The following USP4 variants were observed in gnomAD, a reference collection of about 807,000 sequenced individuals.
The protein encoded by USP4 is ubiquitin specific peptidase 4, also known as ubiquitin carboxyl-terminal hydrolase 4.
Under a neutral mutation model 118.2 loss-of-function variants are expected in USP4, and 72 were observed. The ratio of observed to expected loss-of-function variants is 0.61; its 90% CI spans 0.50 to 0.74. The LOEUF is 0.74. USP4 is among the 30% of genes least tolerant of loss of function. The pLI, the probability that USP4 is intolerant of heterozygous loss-of-function variation, is 0.00. For missense variants in USP4, 1,037 were observed against 1,185.7 expected (o/e 0.87, Z 1.84); for synonymous variants, 415 against 440.4 (o/e 0.94, Z 0.72).
At chr3:49,307,774 G>A (rs2047334375) in intron 8 of USP4, among the ~76,000 whole-genome samples, 1 of 151,194 alleles carries the variant, frequency 6.6e-6, no homozygotes, top group African/African-American at 2.5e-5. Context: ...GTGAGACCCC[G>A]TTTCCACAAA....
At chr3:49,324,599 TC>T (rs1468446838) in intron 6 of USP4, 102 bp downstream of exon 6, 1 of 1,089,412 alleles carries the variant, frequency 9.2e-7, no homozygotes, top group Non-Finnish European at 1.4e-6. Context: ...TAGGCATTGT[TC>T]ATCTGAATCA....
chr3:49,329,019 A>G (rs1287887379), intron 2 of USP4, among the ~76,000 whole-genome samples: 1 of 151,934 alleles, frequency 6.6e-6, no homozygotes, highest in African/African-American at 2.4e-5. Context: ...CTCTACTACA[A>G]ACACAAAAAT....
chr3:49,306,710 C>T (rs1455100469), intron 8 of USP4, among the ~76,000 whole-genome samples: 1 of 152,102 alleles, frequency 6.6e-6, no homozygotes, highest in Admixed American at 6.6e-5. Context: ...GAAAAACTTG[C>T]CCATGAGAAG....
Position 49,302,539 on chromosome 3 carries a change from G to A in USP4, c.1132C>T (p.Gln378Ter). The A allele has an allele frequency of 6.2e-7, 1 of 1,613,296 alleles. No homozygotes were observed. Among genetic ancestry groups the A allele is most frequent in the African/African-American group, 1.3e-5 (1 of 74,958 alleles). ...AHVAPRMFKT[Q>*]VGRFAPQFSG... ...AATTGAGGAGCAAAACGTCCTACTT[G>A]AGTCTACAACAAAAGCAACTGTATC... The change falls in exon 10 of 22, where the codon CAA becomes TAA. Residue 378 changes from glutamine (Q) to a stop codon, truncating the protein, a stop_gained. Transcript: ENST00000265560. LOFTEE classifies it high-confidence loss of function.
chr3:49,309,483 C>T (rs2047357371), intron 8 of USP4, among the ~76,000 whole-genome samples: 1 of 152,110 alleles, frequency 6.6e-6, no homozygotes, highest in African/African-American at 2.4e-5. Flanking sequence ...GCTTCAAACT[C>T]CTGGCCTCAA....
chr3:49,324,805 C>G, intron 5 of USP4, 42 bp from the exon 6 acceptor site: 1 of 1,613,118 alleles, frequency 6.2e-7, no homozygotes. Flanking sequence ...TTCAAACCAC[C>G]GCACTTCCAA....
At chr3:49,307,141 C>T (rs1002954437) in intron 8 of USP4, among the ~76,000 whole-genome samples, 1 of 151,966 alleles carries the variant, frequency 6.6e-6, no homozygotes, top group African/African-American at 2.4e-5. Context: ...GCTCACACTA[C>T]AAAAAAATTC....
At chr3:49,325,554 T>C (rs1298666430) in intron 4 of USP4, among the ~76,000 whole-genome samples, 165 bp downstream of exon 4, 1 of 152,126 alleles carries the variant, frequency 6.6e-6, no homozygotes, top group East Asian at 1.9e-4. Context: ...CCATAAGAAT[T>C]CCTGGAGGAA....
chr3:49,338,676 A>G (rs1386932169), intron 1 of USP4, among the ~76,000 whole-genome samples: 9 of 149,420 alleles, frequency 6.0e-5, no homozygotes, highest in African/African-American at 1.5e-4. Flanking sequence ...AAAAAAAAAA[A>G]AAAGAAAAGA....
chr3:49,312,885 CTTTT>C (rs906734016), intron 6 of USP4: 3 of 140,892 alleles, frequency 2.1e-5, no homozygotes, highest in Non-Finnish European at 4.7e-5. Context: ...CATTTTTTTT[CTTTT>C]TTTTTTTCTT....
At chr3:49,338,085 C>T (rs947423263) in intron 1 of USP4, among the ~76,000 whole-genome samples, 2 of 138,490 alleles carry the variant, frequency 1.4e-5, no homozygotes, top group African/African-American at 2.7e-5. Flanking sequence ...TATCTCTATG[C>T]TGTTTTACAA....
At chr3:49,281,470 G>GCA (rs2047024467) in intron 19 of USP4, among the ~76,000 whole-genome samples, 1 of 93,150 alleles carries the variant, frequency 1.1e-5, no homozygotes, top group Admixed American at 1.4e-4. Context: ...AAGAAAAAAA[G>GCA]TATGTGTATA....
At chr3:49,287,367 GA>G (rs2047106796) in intron 15 of USP4, among the ~76,000 whole-genome samples, 1 of 151,728 alleles carries the variant, frequency 6.6e-6, no homozygotes, top group African/African-American at 2.4e-5. Flanking sequence ...TGTTCACCAG[GA>G]TGGTCTCTAG....
Position 49,298,646 on chromosome 3 carries a change from G to C in USP4, c.1513-11C>G. 6.2e-7 allele frequency: 1 copy of C among 1,613,920 alleles called. No homozygotes were observed. The highest frequency in any genetic ancestry group is 8.5e-7 in the Non-Finnish European group (1 of 1,179,788). ...CACAGTCACACGGTACTGCAAGACA[G>C]AGATGGTCAAGGTCACAGGGGTGCC... On this transcript the variant is annotated splice_polypyrimidine_tract_variant and intron_variant, in intron 11 of 21. Coordinates refer to ENST00000265560, the MANE Select transcript of USP4 (RefSeq NM_003363.4).
chr3:49,328,204 A>G (rs980413325), intron 2 of USP4, among the ~76,000 whole-genome samples: 1 of 151,992 alleles, frequency 6.6e-6, no homozygotes, highest in African/African-American at 2.4e-5. Context: ...CTAAAAATAT[A>G]AAAATTAGCC....
At chr3:49,291,877 G>A (rs1198953863) in intron 15 of USP4, among the ~76,000 whole-genome samples, 1 of 151,414 alleles carries the variant, frequency 6.6e-6, no homozygotes, top group South Asian at 2.1e-4. Context: ...GCAGTGGCGC[G>A]ATCTTGGCTC....
At chr3:49,298,720 A>C in intron 11 of USP4, 85 bp from the exon 12 acceptor site, 1 of 1,182,814 alleles carries the variant, frequency 8.5e-7, no homozygotes, top group Non-Finnish European at 1.3e-6. Context: ...CACTAGGGGC[A>C]GAGGAGCCCT....
Position 49,277,267 on chromosome 3 carries a change from T to C in USP4, c.*1026A>G, listed in dbSNP as rs970873801. The C allele has an allele frequency of 1.6e-6, 2 of 1,284,498 alleles. No homozygotes were observed. Among genetic ancestry groups the C allele is most frequent in the Non-Finnish European group, 2.0e-6 (2 of 984,070 alleles). The allele number at this position is 1,284,498 out of a possible 1,614,324, so 79.6% of individuals were successfully genotyped here. On this transcript the variant is annotated 3_prime_UTR_variant, in exon 22 of 22. Transcript: ENST00000265560. ...AGGCCCCAAACCCCCACGGATTAGG[T>C]TGAAGGTCAGACAAAAAATCCCGGA... is the stretch of plus-strand genomic sequence containing the variant.
intron 8 of USP4, among the ~76,000 whole-genome samples, chr3:49,309,033 C>CA (rs35731425): frequency 0.16 from 11,045 of 69,212 alleles, 664 homozygotes; most frequent in African/African-American, 0.19. Context: ...GATGCTGTCT[C>CA]AAAAAAAAAA....
Sources: allele counts gnomAD v4.1 joint callset (sites outside exome capture counted in the v4.1 genomes callset), GRCh38; gene constraint gnomAD v4.1.1; transcripts MANE v1.5; gene names NCBI Gene and HGNC (gene_info 2026-07-23, HGNC 2026-07-21).